Variants in ABHD12 observed in about 807,000 individuals in gnomAD.
The protein encoded by ABHD12 is abhydrolase domain containing 12, lysophospholipase.
ABHD12 carries 43 observed loss-of-function variants against 58.3 expected under a neutral mutation model. The ratio of observed to expected loss-of-function variants is 0.74; its 90% CI spans 0.58 to 0.95. ABHD12 has a LOEUF of 0.95. Ranked by LOEUF, ABHD12 falls within the 40% of genes least tolerant of loss-of-function variation. The pLI, the probability that ABHD12 is intolerant of heterozygous loss-of-function variation, is 0.00. For synonymous variants in ABHD12, 219 were observed against 211.2 expected, an observed-to-expected ratio of 1.04 and a Z score of -0.32; for missense variants, 539 against 537.2, an observed-to-expected ratio of 1.00 and a Z score of -0.03.
At chr20:25,360,227 C>CTTTTTT (rs576215687) in intron 1 of ABHD12, among the ~76,000 whole-genome samples, 4,470 of 37,414 alleles carry the variant, frequency 0.12, 1,704 homozygotes, top group Non-Finnish European at 0.15. Flanking sequence ...GAACACGTTA[C>CTTTTTT]TTTTTTTTTT....
downstream of ABHD12, chr20:25,296,280 T>C: frequency 1.3e-6 from 2 of 1,514,416 alleles, no homozygotes. Flanking sequence ...GGAGCTCATT[T>C]GGAAACAGTC....
intron 2 of ABHD12, among the ~76,000 whole-genome samples, chr20:25,336,980 G>A (rs1239965095): frequency 6.6e-6 from 1 of 152,208 alleles, no homozygotes; most frequent in Non-Finnish European, 1.5e-5. Flanking sequence ...AACACCACAG[G>A]GCTGGGTGCA....
downstream of ABHD12, among the ~76,000 whole-genome samples, chr20:25,299,990 A>T (rs1460191713): frequency 6.6e-6 from 1 of 152,186 alleles, no homozygotes; most frequent in African/African-American, 2.4e-5. Flanking sequence ...GCTCCCTGCC[A>T]GCCCACAGCT....
intron 2 of ABHD12, among the ~76,000 whole-genome samples, chr20:25,324,723 T>C (rs183802333): frequency 3.4e-4 from 52 of 152,268 alleles, no homozygotes; most frequent in African/African-American, 1.1e-3. Flanking sequence ...TCCCAGAAAC[T>C]CCCTGAGCGT....
In ABHD12 at chr20:25,306,947, C is replaced by A. The variant is rs376340408; in HGVS notation, c.868-32G>T. On this transcript the variant is annotated intron_variant, in intron 9 of 12. Coordinates refer to ENST00000339157, the MANE Select transcript of ABHD12 (RefSeq NM_001042472.3). Reference sequence around the variant, plus strand: ...ACAAGATGGAAACCATTTTCAGAAGCGTTGGTTAAGATATCCAGGCACAGG... The same window carrying A: ...ACAAGATGGAAACCATTTTCAGAAGAGTTGGTTAAGATATCCAGGCACAGG... 111 of 1,521,374 alleles carry A rather than the reference C, an allele frequency of 7.3e-5. No homozygotes were observed. In the African/African-American group the frequency reaches 1.3e-3, roughly 18 times the overall value. 94.2% of individuals were successfully genotyped at this position (1,521,374 alleles called of 1,614,324 possible). A position where few individuals can be genotyped will look rare whatever the true frequency, so the allele number is the denominator to read the frequency against.
At chr20:25,370,849 CTT>C (rs201094435) in intron 1 of ABHD12, among the ~76,000 whole-genome samples, 11 of 139,374 alleles carry the variant, frequency 7.9e-5, no homozygotes, top group African/African-American at 5.3e-5. Context: ...CCTTTATTGA[CTT>C]TTTTTTTTTT....
intron 1 of ABHD12, among the ~76,000 whole-genome samples, chr20:25,366,352 C>T (rs868256455): frequency 2.7e-4 from 41 of 151,720 alleles, no homozygotes; most frequent in African/African-American, 6.8e-4. Flanking sequence ...CTCGGCTTAC[C>T]GCAACCTCCA....
chr20:25,326,743 A>G (rs1463085728), intron 2 of ABHD12, among the ~76,000 whole-genome samples: 1 of 104,020 alleles, frequency 9.6e-6, no homozygotes, highest in Non-Finnish European at 2.1e-5. Flanking sequence ...ATGCTTCAAA[A>G]AAAAACAACA....
chr20:25,334,468 C>T (rs1279155935), intron 2 of ABHD12, among the ~76,000 whole-genome samples: 2,716 of 150,990 alleles, frequency 0.018, 72 homozygotes, highest in African/African-American at 0.063. Flanking sequence ...AAAGTTCATA[C>T]GGAACCAAAA....
chr20:25,354,974 A>G (rs2089648563), intron 1 of ABHD12, among the ~76,000 whole-genome samples: 1 of 152,200 alleles, frequency 6.6e-6, no homozygotes, highest in Admixed American at 6.5e-5. Flanking sequence ...AAGCATAATT[A>G]GACTACTTTG....
chr20:25,330,022 G>A (rs550257149), intron 2 of ABHD12, among the ~76,000 whole-genome samples: 8 of 152,224 alleles, frequency 5.3e-5, no homozygotes, highest in Admixed American at 2.0e-4. Flanking sequence ...CACAGAAGAC[G>A]GGTGATTTCT....
intron 1 of ABHD12, among the ~76,000 whole-genome samples, chr20:25,369,919 C>G (rs565317002): frequency 1.4e-5 from 1 of 72,596 alleles, no homozygotes; most frequent in African/African-American, 6.7e-5. Context: ...GTTTCTCTGT[C>G]TCTGTTATAA....
intron 6 of ABHD12, among the ~76,000 whole-genome samples, chr20:25,314,380 A>C (rs1051644318): frequency 2.2e-4 from 33 of 152,266 alleles, no homozygotes; most frequent in African/African-American, 7.9e-4. Context: ...AGTATCTTCT[A>C]ATTTAAAATG....
intron 1 of ABHD12, among the ~76,000 whole-genome samples, chr20:25,377,294 T>C (rs1249905834): frequency 2.0e-5 from 3 of 152,236 alleles, no homozygotes; most frequent in Admixed American, 6.5e-5. Context: ...GATGGCTCTA[T>C]TGGCCAGCAA....
chr20:25,314,213 T>G (rs1018317812), intron 6 of ABHD12, among the ~76,000 whole-genome samples: 1 of 152,120 alleles, frequency 6.6e-6, no homozygotes, highest in Non-Finnish European at 1.5e-5. Context: ...CCTCAAGTGA[T>G]CCGCCTGCCT....
At position 25,372,872 on chromosome 20, in the gene ABHD12, A is replaced by T. The variant is rs781278829; in HGVS notation, c.191+17641T>A. On this transcript the variant is annotated intron_variant, in intron 1 of 12. Coordinates refer to ENST00000339157, the MANE Select transcript of ABHD12 (RefSeq NM_001042472.3). ...CTTCACATTCACTCACCACTCACTCACTGACTCACCCAGAGCAACCTCCAG... is the reference window on the plus strand; with the variant it reads ...CTTCACATTCACTCACCACTCACTCTCTGACTCACCCAGAGCAACCTCCAG... Among the ~76,000 whole-genome samples the T allele has an allele frequency of 1.4e-3, 216 of 152,168 alleles. 5 individuals are homozygous for T. The highest frequency in any genetic ancestry group is 6.5e-4 in the Non-Finnish European group (44 of 68,030).
exon 13 of ABHD12, chr20:25,294,995 C>G: frequency 1.9e-6 from 3 of 1,614,210 alleles, no homozygotes; most frequent in Non-Finnish European, 2.5e-6. Flanking sequence ...TGACCACATG[C>G]TGGGATCTGG....
At chr20:25,333,967 G>T (rs576859599) in intron 2 of ABHD12, among the ~76,000 whole-genome samples, 1 of 152,232 alleles carries the variant, frequency 6.6e-6, no homozygotes, top group East Asian at 1.9e-4. Flanking sequence ...GGGCAATTAG[G>T]CAGGAGAAGG....
intron 10 of ABHD12, among the ~76,000 whole-genome samples, chr20:25,306,596 G>T (rs113694641): frequency 6.6e-6 from 1 of 152,250 alleles, no homozygotes; most frequent in African/African-American, 2.4e-5. Context: ...TGCCCAGGCT[G>T]GTCTCAAACT....
Sources: allele counts gnomAD v4.1 joint callset (sites outside exome capture counted in the v4.1 genomes callset), GRCh38; gene constraint gnomAD v4.1.1; transcripts MANE v1.5; gene names NCBI Gene and HGNC (gene_info 2026-07-23, HGNC 2026-07-21).